The following TMTC2 variants were observed in gnomAD, a reference collection of about 807,000 sequenced individuals.
The protein encoded by TMTC2 is transmembrane O-mannosyltransferase targeting cadherins 2.
In TMTC2, 43 loss-of-function variants were observed where a neutral mutation model predicts 82.4. That is an observed-to-expected ratio of 0.52 (90% CI 0.41 to 0.67). The LOEUF is 0.67. Among genes scored for constraint, TMTC2 ranks in the 30% least tolerant of loss-of-function variants. The pLI, the probability that TMTC2 is intolerant of heterozygous loss-of-function variation, is 0.00. For synonymous variants in TMTC2, 408 were observed against 381.9 expected (o/e 1.07, Z -0.80); for missense variants, 919 against 1,012.4 (o/e 0.91, Z 1.25).
At chr12:82,947,083 A>G (rs2137272249) in intron 4 of TMTC2, among the ~76,000 whole-genome samples, 1 of 152,220 alleles carries the variant, frequency 6.6e-6, no homozygotes, top group African/African-American at 2.4e-5. Context: ...TCTGGTTAGA[A>G]CAATCCAAGT....
chr12:82,937,770 A>ATATGTGTG (rs1565818344), intron 4 of TMTC2, among the ~76,000 whole-genome samples: 1 of 22,354 alleles, frequency 4.5e-5, no homozygotes, highest in African/African-American at 1.4e-4. Context: ...ATATATATAT[A>ATATGTGTG]TATATATATA....
intron 2 of TMTC2, among the ~76,000 whole-genome samples, chr12:82,882,633 A>G (rs966838475): frequency 2.6e-5 from 4 of 152,130 alleles, no homozygotes; most frequent in Non-Finnish European, 4.4e-5. Context: ...CTGAATTACT[A>G]ATAGTTACGA....
chr12:82,939,715 TCTGTTCTGTTGGTAACCC>T lies in TMTC2; in HGVS notation c.1598+9175_1598+9192del, dbSNP rs1278973448. ...CACAGTTCATTGCTATGGACTCTAT[TCTGTTCTGTTGGTAACCC>T]CTGTCAAGATCAAGTTGTTTCACCT... On this transcript the variant is annotated intron_variant, in intron 4 of 11. Coordinates refer to ENST00000321196, the MANE Select transcript of TMTC2 (RefSeq NM_152588.3). Among the ~76,000 whole-genome samples the T allele has an allele frequency of 3.4e-4, 52 of 152,276 alleles. 1 individual carries two copies. The highest frequency in any genetic ancestry group is 1.2e-3 in the African/African-American group (49 of 41,576).
At chr12:83,116,199 T>C (rs1019254518) in intron 11 of TMTC2, among the ~76,000 whole-genome samples, 2 of 152,202 alleles carry the variant, frequency 1.3e-5, no homozygotes, top group African/African-American at 4.8e-5. Flanking sequence ...CTGAGTTACT[T>C]CACTTAGAAT....
chr12:82,786,307 T>G (rs1878172656), intron 1 of TMTC2, among the ~76,000 whole-genome samples: 1 of 152,090 alleles, frequency 6.6e-6, no homozygotes, highest in South Asian at 2.1e-4. Context: ...GATAAATGAT[T>G]AGTCTCCCCT....
chr12:82,993,639 G>A (rs543253590), intron 8 of TMTC2, among the ~76,000 whole-genome samples: 4 of 152,268 alleles, frequency 2.6e-5, no homozygotes, highest in African/African-American at 4.8e-5. Context: ...TTTTGGAGGA[G>A]TCAAAAGTTA....
chr12:82,947,920 T>G (rs999453593), intron 4 of TMTC2, among the ~76,000 whole-genome samples: 2 of 152,196 alleles, frequency 1.3e-5, no homozygotes, highest in Non-Finnish European at 2.9e-5. Context: ...TTCTTCAGCC[T>G]TGTCTACCAA....
At chr12:83,039,690 G>C (rs1223694859) in intron 9 of TMTC2, among the ~76,000 whole-genome samples, 6 of 152,010 alleles carry the variant, frequency 3.9e-5, no homozygotes, top group Admixed American at 3.3e-4. Context: ...ATTCTTTACA[G>C]GGCCATTTGT....
chr12:82,798,103 C>T (rs1878810299), intron 1 of TMTC2, among the ~76,000 whole-genome samples: 1 of 150,898 alleles, frequency 6.6e-6, no homozygotes, highest in Non-Finnish European at 1.5e-5. Context: ...CTACAAGCAC[C>T]TGCCAGGACG....
At chr12:83,122,385 C>G (rs550991005) in intron 11 of TMTC2, among the ~76,000 whole-genome samples, 84 of 151,904 alleles carry the variant, frequency 5.5e-4, no homozygotes, top group African/African-American at 1.9e-3. Context: ...CTGGAGATTT[C>G]CTTCTCCCTG....
At chr12:83,045,563 G>A (rs1230278646) in intron 9 of TMTC2, among the ~76,000 whole-genome samples, 2 of 152,022 alleles carry the variant, frequency 1.3e-5, no homozygotes, top group African/African-American at 4.8e-5. Flanking sequence ...CTTTTAGAAA[G>A]TAAACTGATA....
intron 1 of TMTC2, among the ~76,000 whole-genome samples, chr12:82,772,144 G>A (rs759027446): frequency 2.6e-5 from 4 of 152,110 alleles, no homozygotes; most frequent in Non-Finnish European, 4.4e-5. Context: ...TCCAGCTTGG[G>A]AGAAAAATGG....
chr12:82,774,852 T>C (rs1877504811), intron 1 of TMTC2, among the ~76,000 whole-genome samples: 1 of 151,902 alleles, frequency 6.6e-6, no homozygotes, highest in Non-Finnish European at 1.5e-5. Context: ...CTGCCTGTCA[T>C]TTTTCTGCAG....
chr12:82,957,217 C>A (rs1041320657), intron 4 of TMTC2, among the ~76,000 whole-genome samples: 2 of 152,086 alleles, frequency 1.3e-5, no homozygotes, highest in Non-Finnish European at 2.9e-5. Context: ...AAATAAAAAT[C>A]ATTACCTAGG....
intron 1 of TMTC2, among the ~76,000 whole-genome samples, chr12:82,748,418 A>T (rs1875802124): frequency 6.6e-6 from 1 of 152,118 alleles, no homozygotes; most frequent in South Asian, 2.1e-4. Flanking sequence ...CTTTGGAGGG[A>T]ATTGAATCCC....
At chr12:83,075,892 C>T (rs1215645853) in intron 11 of TMTC2, among the ~76,000 whole-genome samples, 1 of 152,216 alleles carries the variant, frequency 6.6e-6, no homozygotes, top group East Asian at 1.9e-4. Flanking sequence ...TGACTTCTCT[C>T]TTCTGACATT....
chr12:82,715,772 C>T (rs1036233510), intron 1 of TMTC2, among the ~76,000 whole-genome samples: 17 of 152,152 alleles, frequency 1.1e-4, no homozygotes, highest in Admixed American at 8.5e-4. Flanking sequence ...TGAAGCTGCC[C>T]GTTCAGTTCA....
At chr12:82,862,528 A>T (rs1871602697) in intron 2 of TMTC2, among the ~76,000 whole-genome samples, 1 of 152,196 alleles carries the variant, frequency 6.6e-6, no homozygotes, top group African/African-American at 2.4e-5. Context: ...TCTAAAGATG[A>T]TTACCTTGGT....
intron 3 of TMTC2, among the ~76,000 whole-genome samples, chr12:82,913,398 G>C (rs982459619): frequency 6.6e-6 from 1 of 152,018 alleles, no homozygotes; most frequent in African/African-American, 2.4e-5. Flanking sequence ...ATTTACTTTT[G>C]AGGTTTTAAG....
Sources: allele counts gnomAD v4.1 joint callset (sites outside exome capture counted in the v4.1 genomes callset), GRCh38; gene constraint gnomAD v4.1.1; transcripts MANE v1.5; gene names NCBI Gene and HGNC (gene_info 2026-07-23, HGNC 2026-07-21).